Variants in NTNG1 observed in about 807,000 individuals in gnomAD.
NTNG1 encodes the protein netrin-G1.
A neutral mutation model predicts 54.0 loss-of-function variants in NTNG1; 16 were observed. The ratio of observed to expected loss-of-function variants is 0.30; its 90% confidence interval spans 0.20 to 0.45. NTNG1 has a LOEUF of 0.45. Among genes scored for constraint, NTNG1 ranks in the 20% least tolerant of loss-of-function variants. The pLI, the probability that NTNG1 is intolerant of heterozygous loss-of-function variation, is 1.00. For synonymous variants in NTNG1, 255 were observed against 263.1 expected (o/e 0.97, Z 0.30); for missense variants, 530 against 678.7 (o/e 0.78, Z 2.43).
chr1:107,260,206 T>A, intron 2 of NTNG1, among the ~76,000 whole-genome samples: 1 of 152,246 alleles, frequency 6.6e-6, no homozygotes, highest in East Asian at 1.9e-4. Flanking sequence ...ATGAATGAGC[T>A]TTTTGATCAT....
chr1:107,213,021 A>G (rs1659695438), intron 2 of NTNG1, among the ~76,000 whole-genome samples: 1 of 151,630 alleles, frequency 6.6e-6, no homozygotes, highest in Non-Finnish European at 1.5e-5. Flanking sequence ...GCTAAGATTT[A>G]TAGTCGAACA....
At chr1:107,359,921 T>G (rs757460772) in intron 3 of NTNG1, among the ~76,000 whole-genome samples, 2 of 152,226 alleles carry the variant, frequency 1.3e-5, no homozygotes, top group African/African-American at 2.4e-5. Flanking sequence ...GTGTAACTTA[T>G]GTAAACCCAA....
At chr1:107,391,390 A>G (rs1294398147) in intron 3 of NTNG1, among the ~76,000 whole-genome samples, 1 of 152,210 alleles carries the variant, frequency 6.6e-6, no homozygotes, top group Non-Finnish European at 1.5e-5. Context: ...AATTCTGTTT[A>G]GAAGTTCTTG....
chr1:107,402,912 T>G (rs1169306823), intron 4 of NTNG1, among the ~76,000 whole-genome samples: 1 of 152,156 alleles, frequency 6.6e-6, no homozygotes, highest in East Asian at 1.9e-4. Flanking sequence ...CCTCTCAATT[T>G]GAAGCATGCC....
intron 3 of NTNG1, among the ~76,000 whole-genome samples, chr1:107,384,642 C>T (rs979784847): frequency 3.3e-5 from 5 of 152,134 alleles, no homozygotes; most frequent in Non-Finnish European, 1.5e-5. Flanking sequence ...TCCCATCAAC[C>T]AGGAGCTATA....
intron 3 of NTNG1, among the ~76,000 whole-genome samples, chr1:107,379,890 A>G (rs146583159): frequency 5.8e-4 from 89 of 152,344 alleles, no homozygotes; most frequent in African/African-American, 2.0e-3. Flanking sequence ...CAAGAGAAGG[A>G]AAGAACATCA....
chr1:107,364,331 T>C (rs1396138659), intron 3 of NTNG1, among the ~76,000 whole-genome samples: 1 of 152,214 alleles, frequency 6.6e-6, no homozygotes, highest in Non-Finnish European at 1.5e-5. Context: ...AGCACAATAT[T>C]CCCTTGTTTA....
chr1:107,262,200 A>G (rs961342597), intron 2 of NTNG1, among the ~76,000 whole-genome samples: 10 of 152,240 alleles, frequency 6.6e-5, no homozygotes. Flanking sequence ...GCCGTTACAC[A>G]TGTAGTAACA....
At chr1:107,382,764 CCTCTCT>C (rs138605469) in intron 3 of NTNG1, among the ~76,000 whole-genome samples, 3 of 149,112 alleles carry the variant, frequency 2.0e-5, no homozygotes, top group East Asian at 1.9e-4. Context: ...TTTCCCTTTT[CCTCTCT>C]CTCTCTCTCT....
chr1:107,269,569 C>T (rs1664001454), intron 2 of NTNG1, among the ~76,000 whole-genome samples: 1 of 152,058 alleles, frequency 6.6e-6, no homozygotes, highest in Non-Finnish European at 1.5e-5. Context: ...TGTCTTTATC[C>T]CCAATACCTA....
intron 6 of NTNG1, among the ~76,000 whole-genome samples, chr1:107,434,151 T>C (rs1380629791): frequency 3.3e-5 from 5 of 152,200 alleles, no homozygotes; most frequent in Admixed American, 2.0e-4. Flanking sequence ...CTTTAACAAC[T>C]GACAATAAAA....
intron 3 of NTNG1, among the ~76,000 whole-genome samples, chr1:107,340,899 C>G (rs1275080527): frequency 6.6e-6 from 1 of 152,000 alleles, no homozygotes; most frequent in African/African-American, 2.4e-5. Context: ...AAGTTATTTT[C>G]AAGTTTATTA....
At chr1:107,238,510 A>G (rs1255354903) in intron 2 of NTNG1, among the ~76,000 whole-genome samples, 1 of 152,130 alleles carries the variant, frequency 6.6e-6, no homozygotes, top group Non-Finnish European at 1.5e-5. Context: ...GGGTAGAATG[A>G]TATGGTTTGG....
chr1:107,262,613 G>C (rs1484408608), intron 2 of NTNG1, among the ~76,000 whole-genome samples: 2 of 152,196 alleles, frequency 1.3e-5, no homozygotes, highest in African/African-American at 4.8e-5. Context: ...ATAATAAATT[G>C]TAATGACTCA....
chr1:107,248,782 T>A (rs1662369079), intron 2 of NTNG1, among the ~76,000 whole-genome samples: 1 of 151,974 alleles, frequency 6.6e-6, no homozygotes, highest in Admixed American at 6.6e-5. Flanking sequence ...TATACTTGTA[T>A]GTATATCTGG....
intron 2 of NTNG1, among the ~76,000 whole-genome samples, chr1:107,165,995 G>A (rs1036630104): frequency 6.6e-6 from 1 of 152,136 alleles, no homozygotes; most frequent in African/African-American, 2.4e-5. Context: ...GGGCATAATG[G>A]GAGATAACAA....
rs2101878828 is a variant in NTNG1, at chr1:107,324,496, C to G, written c.461C>G (p.Ser154Cys). 1.2e-6 allele frequency: 2 copies of G among 1,613,798 alleles called. No homozygotes were observed. Among genetic ancestry groups the G allele is most frequent in the East Asian group, 2.2e-5 (1 of 44,850 alleles). The change falls in exon 3 of 8, where the codon TCT (serine) becomes TGT (cysteine). Residue 154 changes from serine to cysteine, a missense_variant. This residue lies in a region of NTNG1 where 318 missense variants were observed against 465.1 expected (regional missense o/e 0.68). Transcript: ENST00000370068. ...LTDNIVITFE[S>C]GRPDQMILEK... The stretch of plus-strand genomic sequence containing the variant: ...GACAACATAGTTATTACCTTTGAAT[C>G]TGGGCGTCCAGACCAAATGATCCTG...
intron 4 of NTNG1, among the ~76,000 whole-genome samples, chr1:107,406,545 C>A (rs148989160): frequency 6.6e-6 from 1 of 152,228 alleles, no homozygotes; most frequent in East Asian, 1.9e-4. Flanking sequence ...CCCAGCAAGG[C>A]GGTATAAAGC....
intron 3 of NTNG1, among the ~76,000 whole-genome samples, chr1:107,390,923 G>A (rs11185105): frequency 0.47 from 71,386 of 151,976 alleles, 16,912 homozygotes; most frequent in Middle Eastern, 0.55. Context: ...TATGCAACCA[G>A]CCTTGCCTTA....
Sources: gnomAD v4.1 joint callset for allele counts (sites outside exome capture counted in the v4.1 genomes callset) on GRCh38, gnomAD v4.1.1 for gene constraint, gnomAD v4.1.1 regional missense constraint, MANE v1.5 for transcripts, NCBI Gene and HGNC (gene_info 2026-07-23, HGNC 2026-07-21) for gene names.